The following KLF17 variants were observed in gnomAD, a reference collection of about 807,000 sequenced individuals.
The protein encoded by KLF17 is Krueppel-like factor 17.
A neutral mutation model predicts 34.2 loss-of-function variants in KLF17; 31 were observed. The observed-to-expected ratio is 0.91, with a 90% CI of 0.68 to 1.22. The LOEUF (loss-of-function observed/expected upper bound fraction) is 1.22. Ranked by LOEUF, KLF17 falls within the 50% of genes most tolerant of loss-of-function variation. The probability of loss-of-function intolerance (pLI) is 0.00; values close to 1 mark genes in which losing one functional copy is unlikely to be tolerated. For missense variants in KLF17, 478 were observed against 505.2 expected (o/e 0.95, Z 0.52); for synonymous variants, 179 against 186.7 (o/e 0.96, Z 0.34).
chr1:44,077,951 T>G, the KLF17 span, among the ~76,000 whole-genome samples: 1 of 152,254 alleles, frequency 6.6e-6, no homozygotes, highest in African/African-American at 2.4e-5. Context: ...CAGCCGTCTT[T>G]GGAAAATACA....
At chr1:44,105,546 A>G in the KLF17 span, 49,201 of 152,014 alleles carry the variant, frequency 0.32, 8,133 homozygotes, top group South Asian at 0.37. Context: ...CATGGCATTC[A>G]CTACAGCAGT....
chr1:44,060,903 T>C, the KLF17 span, among the ~76,000 whole-genome samples: 5 of 152,338 alleles, frequency 3.3e-5, no homozygotes, highest in South Asian at 1.0e-3. Context: ...TCAACAACTC[T>C]GGGCAGTTGA....
chr1:44,088,238 C>T, the KLF17 span: 1 of 152,470 alleles, frequency 6.6e-6, no homozygotes, highest in South Asian at 2.1e-4. Context: ...CCTACCTCAG[C>T]CCCCCAAGTA....
the KLF17 span, among the ~76,000 whole-genome samples, chr1:44,101,402 G>T: frequency 1.3e-5 from 2 of 150,476 alleles, no homozygotes; most frequent in African/African-American, 4.9e-5. Context: ...TATGTGTCAC[G>T]TCTTCTTTAT....
the KLF17 span, among the ~76,000 whole-genome samples, chr1:44,052,818 T>C: frequency 2.6e-3 from 391 of 152,130 alleles, 4 homozygotes; most frequent in Admixed American, 7.5e-3. Context: ...ATTAGACAAA[T>C]TGAAAAAGAA....
At chr1:44,048,186 C>G in the KLF17 span, 1 of 152,144 alleles carries the variant, frequency 6.6e-6, no homozygotes. Context: ...AAAACCAAAG[C>G]TTGGAGGTAG....
chr1:44,066,833 G>A, the KLF17 span, among the ~76,000 whole-genome samples: 1 of 152,104 alleles, frequency 6.6e-6, no homozygotes, highest in Non-Finnish European at 1.5e-5. Context: ...TGACACAGCA[G>A]TAAAAATGAA....
intron 1 of KLF17, among the ~76,000 whole-genome samples, chr1:44,122,969 G>A (rs1239617049): frequency 1.3e-5 from 2 of 152,140 alleles, no homozygotes; most frequent in Non-Finnish European, 2.9e-5. Context: ...AAAGTAGGAA[G>A]TAATATTTAA....
the KLF17 span, among the ~76,000 whole-genome samples, chr1:44,097,982 A>G: frequency 6.6e-6 from 1 of 152,028 alleles, no homozygotes; most frequent in Non-Finnish European, 1.5e-5. Flanking sequence ...ATCATGATGA[A>G]TGATCTTTTT....
At chr1:44,091,417 A>G in the KLF17 span, among the ~76,000 whole-genome samples, 1 of 152,060 alleles carries the variant, frequency 6.6e-6, no homozygotes, top group Non-Finnish European at 1.5e-5. Flanking sequence ...GCACTTTGAG[A>G]GCCTGATGCA....
At position 44,133,857 on chromosome 1, in the gene KLF17, CA is replaced by C. The variant is rs2088139914; in HGVS notation, c.*621del. The C allele has an allele frequency of 6.6e-6, 1 of 152,236 alleles. No individual in the cohort carries two copies. The highest frequency in any genetic ancestry group is 1.5e-5 in the Non-Finnish European group (1 of 68,060). 9.4% of individuals were successfully genotyped at this position (152,236 alleles called of 1,614,324 possible). A position where few individuals can be genotyped will look rare whatever the true frequency, so the allele number is the denominator to read the frequency against. Reference sequence around the variant, plus strand: ...AGGGGAATGGACATTATTAAAAGAACAGGGGCAGAAGTGGCTCATTTATGAC... The same window carrying C: ...AGGGGAATGGACATTATTAAAAGAACGGGGCAGAAGTGGCTCATTTATGAC... On this transcript the variant is annotated 3_prime_UTR_variant, in exon 4 of 4. Coordinates refer to ENST00000372299, the MANE Select transcript of KLF17 (RefSeq NM_173484.4).
chr1:44,054,523 C>T, the KLF17 span, among the ~76,000 whole-genome samples: 19 of 149,014 alleles, frequency 1.3e-4, no homozygotes, highest in Non-Finnish European at 2.2e-4. Flanking sequence ...CTCTGTCGCC[C>T]GGGCTGGAGT....
In KLF17 at chr1:44,133,738, C is replaced by T. The variant is rs773370285; in HGVS notation, c.*501C>T. On this transcript the variant is annotated 3_prime_UTR_variant, in exon 4 of 4. Coordinates refer to ENST00000372299, the MANE Select transcript of KLF17 (RefSeq NM_173484.4). ...CCCTGCCCTCTCACCCCTACCCTGA[C>T]CTTGTCCTACTTCACTGCCTTTGTC... 1 of 152,324 alleles carries T rather than the reference C, an allele frequency of 6.6e-6. No individual in the cohort carries two copies. The highest frequency in any genetic ancestry group is 1.5e-5 in the Non-Finnish European group (1 of 68,096). The allele number at this position is 152,324 out of a possible 1,614,324, so 9.4% of individuals were successfully genotyped here. A position where few individuals can be genotyped will look rare whatever the true frequency, so the allele number is the denominator to read the frequency against.
At position 44,118,918 on chromosome 1, in the gene KLF17, G is replaced by T; in HGVS notation, c.11G>T (p.Arg4Leu). 6.2e-7 allele frequency: 1 copy of T among 1,611,926 alleles called. No individual in the cohort carries two copies. Among genetic ancestry groups the T allele is most frequent in the Non-Finnish European group, 8.5e-7 (1 of 1,179,140 alleles). ...CCCCACCCAGTCTTCATGTACGGCC[G>T]ACCGCAGGCTGAGATGGAACAGGAG... MYG[R>L]PQAEMEQEAG... Residue 4 changes from arginine (R) to leucine (L), a missense_variant, in exon 1 of 4, where the codon CGA (arginine) becomes CTA (leucine). Arg to Leu is a moderately radical substitution (Grantham distance 102). Coordinates refer to ENST00000372299, the MANE Select transcript of KLF17 (RefSeq NM_173484.4).
At chr1:44,085,102 A>G in the KLF17 span, among the ~76,000 whole-genome samples, 1 of 151,346 alleles carries the variant, frequency 6.6e-6, no homozygotes, top group African/African-American at 2.4e-5. Flanking sequence ...ATGTATATAT[A>G]TATGTGTGTG....
the KLF17 span, among the ~76,000 whole-genome samples, chr1:44,098,508 CT>C: frequency 4.3e-5 from 6 of 139,488 alleles, no homozygotes; most frequent in African/African-American, 1.6e-4. Context: ...ATTTTTAAAT[CT>C]TTTTTGTGAT....
the KLF17 span, among the ~76,000 whole-genome samples, chr1:44,113,092 A>T: frequency 6.6e-6 from 1 of 152,128 alleles, no homozygotes; most frequent in Non-Finnish European, 1.5e-5. Flanking sequence ...GTAACCTCAA[A>T]GTTGATTTGT....
the KLF17 span, among the ~76,000 whole-genome samples, chr1:44,065,223 G>A: frequency 9.4e-3 from 1,432 of 151,830 alleles, 64 homozygotes; most frequent in Admixed American, 0.079. Context: ...GGGAGGCAGA[G>A]GTTGCAGTGA....
chr1:44,079,072 A>G, the KLF17 span, among the ~76,000 whole-genome samples: 2 of 151,126 alleles, frequency 1.3e-5, no homozygotes, highest in East Asian at 1.9e-4. Context: ...CTTTAACAGT[A>G]TGTTGAATTT....
Sources: allele counts gnomAD v4.1 joint callset (sites outside exome capture counted in the v4.1 genomes callset), GRCh38; gene constraint gnomAD v4.1.1; transcripts MANE v1.5; gene names NCBI Gene and HGNC (gene_info 2026-07-23, HGNC 2026-07-21).